CDH9: variants seen among roughly 807,000 people sequenced by gnomAD.
CDH9 encodes cadherin-9.
A neutral mutation model predicts 70.9 loss-of-function variants in CDH9; 28 were observed. The observed-to-expected ratio is 0.40, with a 90% confidence interval of 0.29 to 0.54. The LOEUF (loss-of-function observed/expected upper bound fraction) is 0.54, where lower values mean the gene tolerates loss of function less well. Among genes scored for constraint, CDH9 ranks in the 20% least tolerant of loss-of-function variants. CDH9 has a pLI of 0.59. For missense variants in CDH9, 874 were observed against 984.4 expected, an observed-to-expected ratio of 0.89 and a Z score of 1.50; for synonymous variants, 409 against 343.1, an observed-to-expected ratio of 1.19 and a Z score of -2.12.
At chr5:26,954,206 A>G (rs907876585) in intron 2 of CDH9, among the ~76,000 whole-genome samples, 19 of 152,184 alleles carry the variant, frequency 1.2e-4, no homozygotes, top group Admixed American at 6.5e-4. Flanking sequence ...GAATTTTATC[A>G]TGAAAGGTAT....
intron 1 of CDH9, among the ~76,000 whole-genome samples, chr5:27,018,638 T>C (rs1743086372): frequency 6.6e-6 from 1 of 151,930 alleles, no homozygotes; most frequent in African/African-American, 2.4e-5. Flanking sequence ...TAATAATGTA[T>C]TTTTTTAATG....
chr5:27,008,596 A>G (rs541273775), intron 1 of CDH9, among the ~76,000 whole-genome samples: 2 of 152,298 alleles, frequency 1.3e-5, no homozygotes, highest in South Asian at 4.1e-4. Flanking sequence ...AGGTCACAAT[A>G]TAATCATTTT....
intron 1 of CDH9, among the ~76,000 whole-genome samples, chr5:27,003,357 AAGG>A (rs1297409599): frequency 3.3e-5 from 5 of 152,152 alleles, no homozygotes. Context: ...CTCTGCCCTC[AAGG>A]AGGAAGAGTG....
At chr5:26,893,117 C>T (rs1487751567) in intron 7 of CDH9, among the ~76,000 whole-genome samples, 3 of 152,120 alleles carry the variant, frequency 2.0e-5, no homozygotes, top group Non-Finnish European at 4.4e-5. Context: ...TATTAAAGGA[C>T]ATACTATTTA....
At chr5:27,005,898 T>G (rs1238220741) in intron 1 of CDH9, among the ~76,000 whole-genome samples, 1 of 152,178 alleles carries the variant, frequency 6.6e-6, no homozygotes, top group Non-Finnish European at 1.5e-5. Context: ...GCTATTATCC[T>G]ACGCAAGCTG....
intron 2 of CDH9, among the ~76,000 whole-genome samples, chr5:26,928,373 T>A (rs1741383118): frequency 6.6e-6 from 1 of 152,094 alleles, no homozygotes; most frequent in Non-Finnish European, 1.5e-5. Context: ...AAGAATTTTA[T>A]GTTCATAGTT....
chr5:26,939,124 T>C (rs889547081), intron 2 of CDH9, among the ~76,000 whole-genome samples: 1 of 151,886 alleles, frequency 6.6e-6, no homozygotes, highest in Non-Finnish European at 1.5e-5. Context: ...ATGTTTAATA[T>C]TGTAAATATG....
chr5:27,037,071 C>T (rs1743406034), intron 1 of CDH9, among the ~76,000 whole-genome samples: 1 of 151,962 alleles, frequency 6.6e-6, no homozygotes, highest in Non-Finnish European at 1.5e-5. Flanking sequence ...AAATAGGATT[C>T]TTCTTCTGCA....
intron 2 of CDH9, among the ~76,000 whole-genome samples, chr5:26,975,357 T>A (rs1466487865): frequency 6.6e-6 from 1 of 152,170 alleles, no homozygotes; most frequent in African/African-American, 2.4e-5. Flanking sequence ...CCTCAAAATA[T>A]AGAAAGTCTT....
chr5:27,014,725 A>G (rs1743017192), intron 1 of CDH9, among the ~76,000 whole-genome samples: 1 of 151,906 alleles, frequency 6.6e-6, no homozygotes, highest in Non-Finnish European at 1.5e-5. Flanking sequence ...GGGTTGAACT[A>G]TGTATACTAC....
At chr5:27,036,277 T>C (rs1335601474) in intron 1 of CDH9, among the ~76,000 whole-genome samples, 1 of 151,880 alleles carries the variant, frequency 6.6e-6, no homozygotes, top group Non-Finnish European at 1.5e-5. Context: ...TTGGCATGTA[T>C]AGGGGTTACA....
chr5:26,911,373 CAA>C, intron 3 of CDH9, among the ~76,000 whole-genome samples: 2 of 152,092 alleles, frequency 1.3e-5, no homozygotes, highest in African/African-American at 4.8e-5. Flanking sequence ...GTTAGAAATA[CAA>C]TTGGATACAT....
At chr5:26,965,222 C>G (rs901919255) in intron 2 of CDH9, among the ~76,000 whole-genome samples, 2 of 152,022 alleles carry the variant, frequency 1.3e-5, no homozygotes, top group Non-Finnish European at 2.9e-5. Flanking sequence ...CACTCACATG[C>G]CATTAATAAT....
intron 11 of CDH9, among the ~76,000 whole-genome samples, chr5:26,885,286 G>A (rs1487545123): frequency 1.3e-5 from 2 of 152,138 alleles, no homozygotes; most frequent in Admixed American, 6.6e-5. Flanking sequence ...ACCTTATACA[G>A]TTGATGCAAA....
intron 2 of CDH9, among the ~76,000 whole-genome samples, chr5:26,932,004 G>T (rs1008011682): frequency 1.3e-5 from 2 of 152,000 alleles, no homozygotes; most frequent in African/African-American, 4.8e-5. Context: ...TGTAAGCATA[G>T]GCACAACATA....
chr5:26,921,604 A>G (rs1468702675), intron 2 of CDH9, among the ~76,000 whole-genome samples: 1 of 152,184 alleles, frequency 6.6e-6, no homozygotes, highest in Admixed American at 6.5e-5. Flanking sequence ...ATAAAAACCA[A>G]TGCAGAACTC....
At chr5:26,980,004 A>T (rs192588867) in intron 2 of CDH9, among the ~76,000 whole-genome samples, 1 of 152,018 alleles carries the variant, frequency 6.6e-6, no homozygotes, top group Non-Finnish European at 1.5e-5. Context: ...ATTGAACACC[A>T]TTGTTAAATT....
At chr5:26,923,140 G>C (rs1185603635) in intron 2 of CDH9, among the ~76,000 whole-genome samples, 2 of 111,808 alleles carry the variant, frequency 1.8e-5, no homozygotes, top group African/African-American at 6.6e-5. Context: ...AAAAAAGAAA[G>C]ACAAAGCAAT....
At chr5:26,970,527 T>C (rs1742201322) in intron 2 of CDH9, among the ~76,000 whole-genome samples, 1 of 152,130 alleles carries the variant, frequency 6.6e-6, no homozygotes, top group Admixed American at 6.5e-5. Context: ...CCCAATATAT[T>C]GTTGCTTCAT....
Sources: allele counts gnomAD v4.1 joint callset (sites outside exome capture counted in the v4.1 genomes callset), GRCh38; gene constraint gnomAD v4.1.1; transcripts MANE v1.5; gene names NCBI Gene and HGNC (gene_info 2026-07-23, HGNC 2026-07-21).